PDE1A: variants seen among roughly 807,000 people sequenced by gnomAD.
PDE1A encodes dual specificity calcium/calmodulin-dependent 3',5'-cyclic nucleotide phosphodiesterase 1A.
In PDE1A, 35 loss-of-function variants were observed where a neutral mutation model predicts 61.7. That is an observed-to-expected ratio of 0.57 (90% CI 0.43 to 0.75). PDE1A has a LOEUF of 0.75. Ranked by LOEUF, PDE1A falls within the 30% of genes least tolerant of loss-of-function variation. The probability of loss-of-function intolerance (pLI) is 0.00; values close to 1 mark genes in which losing one functional copy is unlikely to be tolerated. For missense variants in PDE1A, 597 were observed against 630.6 expected (o/e 0.95, Z 0.57); for synonymous variants, 232 against 213.2 (o/e 1.09, Z -0.77).
chr2:182,570,725 A>G, the PDE1A span, among the ~76,000 whole-genome samples: 1 of 152,208 alleles, frequency 6.6e-6, no homozygotes, highest in Non-Finnish European at 1.5e-5. Flanking sequence ...GGAGCAATAT[A>G]TGTCCTTCAG....
intron 1 of PDE1A, among the ~76,000 whole-genome samples, chr2:182,332,505 C>A (rs1207632437): frequency 3.3e-5 from 5 of 152,138 alleles, no homozygotes; most frequent in African/African-American, 1.2e-4. Context: ...TACCTTTGGT[C>A]TTTGATGTTT....
intron 7 of PDE1A, 38 bp from the exon 8 acceptor site, chr2:182,206,103 T>G: frequency 1.9e-6 from 3 of 1,569,268 alleles, no homozygotes; most frequent in Non-Finnish European, 2.6e-6. Flanking sequence ...AGAGGATTTC[T>G]TTAGACATCA....
the PDE1A span, among the ~76,000 whole-genome samples, chr2:182,662,342 AAAAAAAAAAC>A: frequency 6.6e-5 from 1 of 15,188 alleles, no homozygotes; most frequent in South Asian, 2.7e-3. Context: ...AAAAAAAAAG[AAAAAAAAAAC>A]AAAAAAAAAC....
intron 2 of PDE1A, among the ~76,000 whole-genome samples, chr2:182,490,841 G>A (rs1688338788): frequency 6.6e-6 from 1 of 152,130 alleles, no homozygotes; most frequent in South Asian, 2.1e-4. Flanking sequence ...TCTTAGACAG[G>A]CGCACTGACA....
intron 2 of PDE1A, among the ~76,000 whole-genome samples, chr2:182,246,218 C>T (rs969473883): frequency 2.0e-5 from 3 of 152,134 alleles, no homozygotes; most frequent in African/African-American, 7.2e-5. Context: ...GCCAAGCTTG[C>T]TTTTGCCTCA....
At chr2:182,160,689 G>A (rs902564490) in intron 13 of PDE1A, among the ~76,000 whole-genome samples, 2 of 152,082 alleles carry the variant, frequency 1.3e-5, no homozygotes, top group African/African-American at 2.4e-5. Flanking sequence ...TCAAAGCCAC[G>A]CTACAAACTG....
intron 2 of PDE1A, among the ~76,000 whole-genome samples, chr2:182,462,161 G>A (rs951789247): frequency 3.9e-5 from 6 of 151,932 alleles, no homozygotes; most frequent in Non-Finnish European, 8.8e-5. Flanking sequence ...GTTGTGGGGT[G>A]GGGGGAGCGG....
chr2:182,454,408 G>T (rs1032076853), intron 2 of PDE1A, among the ~76,000 whole-genome samples: 5 of 152,018 alleles, frequency 3.3e-5, no homozygotes, highest in African/African-American at 1.2e-4. Context: ...CACAGAATTG[G>T]AAAAAACTAC....
Position 182,269,695 on chromosome 2 carries a change from T to C in PDE1A, c.54-5281A>G, listed in dbSNP as rs538704859. On this transcript the variant is annotated intron_variant, in intron 1 of 13. Transcript: ENST00000351439. ...AAATTTGAGAAAATGCAAATGATCCTAATAGTGACAGAAAGTAGATACTAG... is the reference window on the plus strand; with the variant it reads ...AAATTTGAGAAAATGCAAATGATCCCAATAGTGACAGAAAGTAGATACTAG... Among the ~76,000 whole-genome samples, 3 of 152,166 alleles carry C rather than the reference T, an allele frequency of 2.0e-5. No homozygotes were observed. In the East Asian group the frequency reaches 5.8e-4, roughly 29 times the overall value.
the PDE1A span, among the ~76,000 whole-genome samples, chr2:182,555,965 CAAAAAAAAAAAA>C: frequency 0.024 from 1,164 of 48,494 alleles, 32 homozygotes; most frequent in African/African-American, 0.099. Flanking sequence ...AACTCCATCT[CAAAAAAAAAAAA>C]AAAAAAAAAA....
the PDE1A span, among the ~76,000 whole-genome samples, chr2:182,617,142 C>T: frequency 6.7e-6 from 1 of 150,270 alleles, no homozygotes; most frequent in South Asian, 2.1e-4. Context: ...AAATATCCTA[C>T]ACTAACAACG....
At chr2:182,315,732 C>CT (rs1276784257) in intron 1 of PDE1A, among the ~76,000 whole-genome samples, 2 of 152,140 alleles carry the variant, frequency 1.3e-5, no homozygotes, top group Non-Finnish European at 1.5e-5. Context: ...ATGTAGGATG[C>CT]TTTAGTGCCT....
At chr2:182,163,926 G>A (rs1392727145), downstream of PDE1A, among the ~76,000 whole-genome samples, 2 of 152,142 alleles carry the variant, frequency 1.3e-5, no homozygotes, top group Non-Finnish European at 1.5e-5. Context: ...GGCCCTACAG[G>A]TGAATCACAA....
At chr2:182,566,042 G>A in the PDE1A span, among the ~76,000 whole-genome samples, 1 of 152,128 alleles carries the variant, frequency 6.6e-6, no homozygotes, top group Non-Finnish European at 1.5e-5. Flanking sequence ...TCAGAGCTCA[G>A]TGATTTGAAT....
At chr2:182,233,306 G>T (rs1689732348) in intron 4 of PDE1A, among the ~76,000 whole-genome samples, 1 of 152,142 alleles carries the variant, frequency 6.6e-6, no homozygotes, top group Admixed American at 6.6e-5. Flanking sequence ...GTTGGGGTTG[G>T]ATGGTTTTGG....
chr2:182,403,606 A>AAAAAAAAAAAAAAG (rs1702136954), intron 1 of PDE1A, among the ~76,000 whole-genome samples: 1 of 150,954 alleles, frequency 6.6e-6, no homozygotes, highest in Non-Finnish European at 1.5e-5. Context: ...CTCAAAAAAA[A>AAAAAAAAAAAAAAG]AAAAAAAAGA....
the PDE1A span, among the ~76,000 whole-genome samples, chr2:182,695,683 AAAG>A: frequency 1.6e-4 from 15 of 95,236 alleles, 1 homozygote; most frequent in Middle Eastern, 5.7e-3. Context: ...AAAAAAAAAA[AAAG>A]AAAAAGAAAA....
chr2:182,707,741 G>A, the PDE1A span, among the ~76,000 whole-genome samples: 1 of 152,160 alleles, frequency 6.6e-6, no homozygotes, highest in African/African-American at 2.4e-5. Flanking sequence ...CTCTCTGCAA[G>A]TACAGGAGAA....
At chr2:182,692,117 G>A in the PDE1A span, among the ~76,000 whole-genome samples, 2 of 152,150 alleles carry the variant, frequency 1.3e-5, no homozygotes, top group African/African-American at 2.4e-5. Flanking sequence ...ACAGTGTGGC[G>A]ATTCCTCGGG....
Sources: gnomAD v4.1 joint callset for allele counts (sites outside exome capture counted in the v4.1 genomes callset) on GRCh38, gnomAD v4.1.1 for gene constraint, MANE v1.5 for transcripts, NCBI Gene and HGNC (gene_info 2026-07-23, HGNC 2026-07-21) for gene names.